The following TECRL variants were observed in gnomAD, a reference collection of about 807,000 sequenced individuals.
The protein encoded by TECRL is trans-2,3-enoyl-CoA reductase-like.
Under a neutral mutation model 52.8 loss-of-function variants are expected in TECRL, and 63 were observed. The ratio of observed to expected loss-of-function variants is 1.19; its 90% CI spans 0.97 to 1.47. The LOEUF is 1.47. Among genes scored for constraint, TECRL ranks in the 40% most tolerant of loss-of-function variants. The pLI, the probability that TECRL is intolerant of heterozygous loss-of-function variation, is 0.00. For missense variants in TECRL, 482 were observed against 429.6 expected (o/e 1.12, Z -1.08); for synonymous variants, 164 against 141.9 (o/e 1.16, Z -1.10).
intron 1 of TECRL, among the ~76,000 whole-genome samples, chr4:64,390,204 T>C (rs899605137): frequency 1.3e-5 from 2 of 151,934 alleles, no homozygotes; most frequent in Admixed American, 1.3e-4. Flanking sequence ...CTTACATAAT[T>C]AAAGTGAATG....
At chr4:64,304,198 G>A (rs896111555) in intron 7 of TECRL, among the ~76,000 whole-genome samples, 16 of 151,922 alleles carry the variant, frequency 1.1e-4, no homozygotes, top group Admixed American at 2.0e-4. Flanking sequence ...ATGTGCTAAC[G>A]TTGTAAAGGT....
intron 3 of TECRL, among the ~76,000 whole-genome samples, chr4:64,326,035 C>G (rs1213366990): frequency 6.6e-6 from 1 of 152,046 alleles, no homozygotes. Flanking sequence ...CTTTCTAGAT[C>G]ATGCTTCAGC....
rs1452540833 is a variant in TECRL, at chr4:64,277,709, A to G, written c.*2363T>C. 6.6e-6 allele frequency: 1 copy of G among 151,814 alleles called. No homozygotes were observed. Among genetic ancestry groups the G allele is most frequent in the Admixed American group, 6.6e-5 (1 of 15,212 alleles). The allele number at this position is 151,814 out of a possible 1,614,324, so 9.4% of individuals were successfully genotyped here. ...TGCATATAATCTAAGAGCTTTAATGAACATATTTTATAACATATGTATAAT... is the reference window on the plus strand; with the variant it reads ...TGCATATAATCTAAGAGCTTTAATGGACATATTTTATAACATATGTATAAT... On this transcript the variant is annotated 3_prime_UTR_variant, in exon 12 of 12. Coordinates refer to ENST00000381210, the MANE Select transcript of TECRL (RefSeq NM_001010874.5).
At chr4:64,331,015 T>G (rs1194875889) in intron 2 of TECRL, among the ~76,000 whole-genome samples, 1 of 151,978 alleles carries the variant, frequency 6.6e-6, no homozygotes, top group African/African-American at 2.4e-5. Flanking sequence ...ACCTGAGAAA[T>G]AATTCAGTAA....
Position 64,409,287 on chromosome 4 carries a change from G to A in TECRL, c.65C>T (p.Thr22Ile). 1.2e-6 allele frequency: 2 copies of A among 1,613,844 alleles called. No homozygotes were observed. Among genetic ancestry groups the A allele is most frequent in the Non-Finnish European group, 1.7e-6 (2 of 1,179,838 alleles). The change falls in exon 1 of 12, where the codon ACA becomes ATA. Residue 22 changes from threonine to isoleucine, a missense_variant. Transcript: ENST00000381210. ...RKRALLSQRATRFILKDDMRN... is the reference protein window; with the variant it reads ...RKRALLSQRAIRFILKDDMRN... The stretch of plus-strand genomic sequence containing the variant: ...CATATCATCCTTCAGTATGAACCGT[G>A]TAGCTCTTTGGGAAAGTAATGCTCT...
At position 64,279,711 on chromosome 4, in the gene TECRL, T is replaced by C; in HGVS notation, c.*361A>G. 2 of 850,154 alleles carry C rather than the reference T, an allele frequency of 2.4e-6. No individual in the cohort carries two copies. The highest frequency in any genetic ancestry group is 2.8e-6 in the Non-Finnish European group (2 of 707,262). The allele number at this position is 850,154 out of a possible 1,614,324, so 52.7% of individuals were successfully genotyped here. ...TTATTGACCATGTATATGTCTTCCT[T>C]TGGGAAATGTCTGTTCAGATCGCTT... On this transcript the variant is annotated 3_prime_UTR_variant, in exon 12 of 12. Transcript: ENST00000381210.
chr4:64,366,180 A>G (rs928910262), intron 2 of TECRL, among the ~76,000 whole-genome samples: 3 of 152,174 alleles, frequency 2.0e-5, no homozygotes, highest in African/African-American at 4.8e-5. Context: ...CTGGCTAGCT[A>G]CATGCAGAAG....
chr4:64,317,152 C>A (rs1717557531), intron 4 of TECRL, among the ~76,000 whole-genome samples: 1 of 152,010 alleles, frequency 6.6e-6, no homozygotes, highest in Non-Finnish European at 1.5e-5. Flanking sequence ...GTGGCAGGTG[C>A]CTGGAATCCC....
chr4:64,292,021 C>T (rs1448670482), intron 8 of TECRL, among the ~76,000 whole-genome samples: 2 of 151,956 alleles, frequency 1.3e-5, no homozygotes, highest in South Asian at 4.1e-4. Flanking sequence ...CTGGCTTTTA[C>T]ACCTTCAGGT....
intron 5 of TECRL, 124 bp downstream of exon 5, chr4:64,314,524 G>T: frequency 1.5e-6 from 1 of 685,260 alleles, no homozygotes. Context: ...CACTTCAATC[G>T]CGTTTAGTAA....
chr4:64,296,502 T>C (rs1047540052), intron 8 of TECRL, among the ~76,000 whole-genome samples: 1 of 151,824 alleles, frequency 6.6e-6, no homozygotes, highest in Non-Finnish European at 1.5e-5. Flanking sequence ...TTAATTACTT[T>C]GTAAGCCATA....
chr4:64,343,265 G>A (rs192438151), intron 2 of TECRL, among the ~76,000 whole-genome samples: 56 of 152,136 alleles, frequency 3.7e-4, no homozygotes, highest in Middle Eastern at 3.4e-3. Flanking sequence ...ATATCTCTCC[G>A]TGTTTATGTT....
At chr4:64,387,784 G>T (rs546466692) in intron 1 of TECRL, among the ~76,000 whole-genome samples, 1 of 151,856 alleles carries the variant, frequency 6.6e-6, no homozygotes, top group Non-Finnish European at 1.5e-5. Context: ...AAAACTATGT[G>T]ATTTGTTTTA....
intron 2 of TECRL, among the ~76,000 whole-genome samples, chr4:64,374,623 C>T (rs1722258595): frequency 6.6e-6 from 1 of 151,716 alleles, no homozygotes; most frequent in Non-Finnish European, 1.5e-5. Context: ...CATGTGTTCT[C>T]ATTGTTCAAT....
At chr4:64,308,503 T>G (rs753706181) in intron 6 of TECRL, among the ~76,000 whole-genome samples, 25 of 152,132 alleles carry the variant, frequency 1.6e-4, no homozygotes, top group Non-Finnish European at 2.6e-4. Context: ...CCCCTTAGGG[T>G]GTAAGCCACA....
At chr4:64,380,506 G>A (rs1470809566) in intron 1 of TECRL, among the ~76,000 whole-genome samples, 8 of 151,868 alleles carry the variant, frequency 5.3e-5, no homozygotes, top group Admixed American at 5.3e-4. Context: ...TTTCTCCTAT[G>A]TTTTCTTTTA....
chr4:64,350,543 T>C (rs986130432), intron 2 of TECRL, among the ~76,000 whole-genome samples: 1 of 152,176 alleles, frequency 6.6e-6, no homozygotes, highest in Non-Finnish European at 1.5e-5. Flanking sequence ...AAGTTTTTAT[T>C]GACTAATATT....
chr4:64,302,741 T>C (rs191801845), intron 7 of TECRL, among the ~76,000 whole-genome samples: 10 of 151,548 alleles, frequency 6.6e-5, no homozygotes, highest in African/African-American at 2.4e-4. Flanking sequence ...CAAAGTAAGA[T>C]ATATTAAAAC....
At position 64,281,487 on chromosome 4, in the gene TECRL, T is replaced by G. The variant is rs1722825874; in HGVS notation, c.905A>C (p.Asn302Thr). ...TAAATAACATACCTCATAGGTGTAG[T>G]TAGGACATGAAACCAGGAAAAACAT... ...TWMFFLVSCP[N>T]YTYEIGSWIS... is the part of the protein sequence containing the mutation. The change falls in exon 10 of 12, where the codon AAC (asparagine) becomes ACC (threonine). Residue 302 changes from asparagine (N) to threonine (T), a missense_variant. Transcript: ENST00000381210. 1 of 1,598,032 alleles carries G rather than the reference T, an allele frequency of 6.3e-7. No individual in the cohort carries two copies. The highest frequency in any genetic ancestry group is 8.6e-7 in the Non-Finnish European group (1 of 1,168,402).
Sources: gnomAD v4.1 joint callset for allele counts (sites outside exome capture counted in the v4.1 genomes callset) on GRCh38, gnomAD v4.1.1 for gene constraint, MANE v1.5 for transcripts, NCBI Gene and HGNC (gene_info 2026-07-23, HGNC 2026-07-21) for gene names.